Variants in DNER observed in about 807,000 individuals in gnomAD.
DNER encodes the protein delta and Notch-like epidermal growth factor-related receptor.
Under a neutral mutation model 78.2 loss-of-function variants are expected in DNER, and 33 were observed. The observed-to-expected ratio is 0.42, with a 90% CI of 0.32 to 0.56. The LOEUF (loss-of-function observed/expected upper bound fraction) is 0.56, where lower values mean the gene tolerates loss of function less well. Among genes scored for constraint, DNER ranks in the 20% least tolerant of loss-of-function variants. The pLI, the probability that DNER is intolerant of heterozygous loss-of-function variation, is 0.11. For missense variants in DNER, 918 were observed against 975.3 expected, an observed-to-expected ratio of 0.94 and a Z score of 0.78; for synonymous variants, 417 against 384.8, an observed-to-expected ratio of 1.08 and a Z score of -0.98.
At chr2:229,546,814 C>CAGATAGATAGATAGATAGATAGAT (rs1413221194) in intron 5 of DNER, 133 bp downstream of exon 5, 1 of 1,290,064 alleles carries the variant, frequency 7.8e-7, no homozygotes. Context: ...GACAGACAGA[C>CAGATAGATAGATAGATAGATAGAT]AGACAGACAG....
intron 5 of DNER, among the ~76,000 whole-genome samples, chr2:229,524,427 T>C (rs1696160789): frequency 6.6e-6 from 1 of 152,238 alleles, no homozygotes; most frequent in African/African-American, 2.4e-5. Context: ...ATGACACAAC[T>C]GATATTCAAA....
intron 1 of DNER, among the ~76,000 whole-genome samples, chr2:229,642,440 CAA>C (rs1698642378): frequency 6.6e-6 from 1 of 152,178 alleles, no homozygotes; most frequent in South Asian, 2.1e-4. Flanking sequence ...GGAAAAAAAG[CAA>C]AGTGAAATGG....
At chr2:229,582,974 G>A (rs1392330661) in intron 4 of DNER, among the ~76,000 whole-genome samples, 3 of 152,094 alleles carry the variant, frequency 2.0e-5, no homozygotes, top group Non-Finnish European at 4.4e-5. Context: ...TTCCCATAAG[G>A]AATAATACGT....
chr2:229,517,629 C>T (rs540836832), intron 5 of DNER, among the ~76,000 whole-genome samples: 1 of 152,168 alleles, frequency 6.6e-6, no homozygotes, highest in African/African-American at 2.4e-5. Flanking sequence ...AACACTGTAA[C>T]GTGAGAGGTC....
At chr2:229,361,094 A>G (rs1044168377) in intron 12 of DNER, among the ~76,000 whole-genome samples, 7 of 152,208 alleles carry the variant, frequency 4.6e-5, no homozygotes, top group Admixed American at 2.6e-4. Context: ...GAAACACCAC[A>G]GTTTTAAAAC....
chr2:229,529,944 G>T (rs566699434), intron 5 of DNER, among the ~76,000 whole-genome samples: 1 of 152,162 alleles, frequency 6.6e-6, no homozygotes, highest in African/African-American at 2.4e-5. Context: ...GAGAGGTCAG[G>T]GCTGCAGTAA....
chr2:229,440,379 C>T (rs1694206007), intron 8 of DNER, among the ~76,000 whole-genome samples: 1 of 152,032 alleles, frequency 6.6e-6, no homozygotes, highest in African/African-American at 2.4e-5. Context: ...TGGGCAGTGC[C>T]CTCTCATCCT....
rs558743010 is a variant in DNER, at chr2:229,505,764, T to C, written c.1147+7019A>G. Among the ~76,000 whole-genome samples, 6 of 152,310 alleles carry C rather than the reference T, an allele frequency of 3.9e-5. No individual in the cohort carries two copies. In the South Asian group the frequency reaches 1.2e-3, roughly 32 times the overall value. On this transcript the variant is annotated intron_variant, in intron 6 of 12. Coordinates refer to ENST00000341772, the MANE Select transcript of DNER (RefSeq NM_139072.4). ...AACCTCAGAAAATAAAACAATATGA[T>C]GTAAATGTCAATGTAAAAAGATATT...
chr2:229,462,155 A>G (rs1694716409), intron 7 of DNER, among the ~76,000 whole-genome samples: 1 of 152,142 alleles, frequency 6.6e-6, no homozygotes, highest in South Asian at 2.1e-4. Flanking sequence ...GTAGAAAGAA[A>G]TCAATACCCT....
intron 5 of DNER, among the ~76,000 whole-genome samples, chr2:229,525,767 C>A (rs1696196011): frequency 6.6e-6 from 1 of 152,134 alleles, no homozygotes; most frequent in Non-Finnish European, 1.5e-5. Flanking sequence ...CATGTGCCAC[C>A]ACGCCTGGCT....
At chr2:229,483,003 T>C (rs953156654) in intron 6 of DNER, among the ~76,000 whole-genome samples, 1 of 152,054 alleles carries the variant, frequency 6.6e-6, no homozygotes, top group Non-Finnish European at 1.5e-5. Flanking sequence ...ACCAATAAAA[T>C]CAGAACAATT....
chr2:229,678,887 A>G (rs1206901533), intron 1 of DNER, among the ~76,000 whole-genome samples: 1 of 152,240 alleles, frequency 6.6e-6, no homozygotes, highest in Admixed American at 6.5e-5. Context: ...GATAATAAAT[A>G]CATCTACGAT....
intron 1 of DNER, among the ~76,000 whole-genome samples, chr2:229,688,776 A>G (rs971460529): frequency 1.3e-5 from 2 of 152,358 alleles, no homozygotes; most frequent in South Asian, 4.1e-4. Context: ...TAGACTGGAT[A>G]ATGTGGCACA....
rs146092362 is a variant in DNER at position 229,583,048 on chromosome 2, G to A, written c.847+2810C>T. On this transcript the variant is annotated intron_variant, in intron 4 of 12. Transcript: ENST00000341772. ...AGCAAAATGAGCTCAAAATATGTAC[G>A]AGTTCACAAGATTTCTTCTATCCCA... Among the ~76,000 whole-genome samples the A allele has an allele frequency of 1.7e-3, 266 of 152,118 alleles. 1 individual carries two copies. The highest frequency in any genetic ancestry group is 6.0e-3 in the African/African-American group (248 of 41,452).
intron 6 of DNER, among the ~76,000 whole-genome samples, chr2:229,505,244 A>G (rs953772353): frequency 1.1e-4 from 17 of 150,652 alleles, no homozygotes; most frequent in Admixed American, 1.0e-3. Flanking sequence ...AAGCAGCACT[A>G]GAAGCTAAGC....
chr2:229,640,342 T>C (rs1023991933), intron 1 of DNER, among the ~76,000 whole-genome samples: 1 of 152,178 alleles, frequency 6.6e-6, no homozygotes, highest in African/African-American at 2.4e-5. Context: ...GTTGAAAGGA[T>C]TAGTATAGAA....
At chr2:229,360,123 A>T (rs1018430384) in intron 12 of DNER, among the ~76,000 whole-genome samples, 1 of 152,202 alleles carries the variant, frequency 6.6e-6, no homozygotes, top group Non-Finnish European at 1.5e-5. Context: ...AAAAGTGTCA[A>T]CAGGCCTGTT....
intron 1 of DNER, among the ~76,000 whole-genome samples, chr2:229,642,237 T>G (rs976389132): frequency 2.6e-5 from 4 of 152,126 alleles, no homozygotes; most frequent in African/African-American, 9.7e-5. Flanking sequence ...TTTAGAGAAA[T>G]CACTAATATT....
rs1399561972 is a variant in DNER, at chr2:229,494,841, C to T, written c.1148-17588G>A. Among the ~76,000 whole-genome samples, 4 of 152,170 alleles carry T rather than the reference C, an allele frequency of 2.6e-5. No individual in the cohort carries two copies. The East Asian group carries it at 7.7e-4, about 29-fold the overall frequency. On this transcript the variant is annotated intron_variant, in intron 6 of 12. Coordinates refer to ENST00000341772, the MANE Select transcript of DNER (RefSeq NM_139072.4). ...CTCCTATAGATTCCAAGAAGTCCGACAGCCTTCCTTCATTCCACCTCTATT... is the reference window on the plus strand; with the variant it reads ...CTCCTATAGATTCCAAGAAGTCCGATAGCCTTCCTTCATTCCACCTCTATT...
Sources: gnomAD v4.1 joint callset for allele counts (sites outside exome capture counted in the v4.1 genomes callset) on GRCh38, gnomAD v4.1.1 for gene constraint, MANE v1.5 for transcripts, NCBI Gene and HGNC (gene_info 2026-07-23, HGNC 2026-07-21) for gene names.